Variants in DPH6 observed in about 807,000 individuals in gnomAD.
DPH6 encodes diphthine--ammonia ligase.
In DPH6, 33 loss-of-function variants were observed where a neutral mutation model predicts 38.2. The observed-to-expected ratio is 0.86, with a 90% confidence interval of 0.65 to 1.15. The LOEUF (loss-of-function observed/expected upper bound fraction) is 1.15. Among genes scored for constraint, DPH6 ranks in the 50% most tolerant of loss-of-function variants. The probability of loss-of-function intolerance (pLI) is 0.00; values close to 1 mark genes in which losing one functional copy is unlikely to be tolerated. For missense variants in DPH6, 325 were observed against 320.0 expected, an observed-to-expected ratio of 1.02 and a Z score of -0.12; for synonymous variants, 108 against 103.0, an observed-to-expected ratio of 1.05 and a Z score of -0.30.
intron 6 of DPH6, among the ~76,000 whole-genome samples, chr15:35,393,761 C>T (rs915277289): frequency 6.6e-6 from 1 of 152,062 alleles, no homozygotes; most frequent in Non-Finnish European, 1.5e-5. Context: ...TCTCGAATGT[C>T]AAGGTGGCAT....
chr15:35,368,046 G>A (rs891068112), downstream of DPH6, among the ~76,000 whole-genome samples: 4 of 151,918 alleles, frequency 2.6e-5, no homozygotes, highest in Non-Finnish European at 5.9e-5. Flanking sequence ...CAAGACATCT[G>A]TATGTAACCT....
At chr15:35,164,765 G>A in the DPH6 span, among the ~76,000 whole-genome samples, 11 of 151,800 alleles carry the variant, frequency 7.2e-5, no homozygotes, top group African/African-American at 2.7e-4. Context: ...TTTGAAAGAT[G>A]TCCTCATCTT....
At chr15:35,314,240 T>C (rs564114382) in intron 3 of DPH6, among the ~76,000 whole-genome samples, 1 of 152,106 alleles carries the variant, frequency 6.6e-6, no homozygotes, top group Non-Finnish European at 1.5e-5. Context: ...GCAAAAGTAA[T>C]TGTGGTTTTA....
intron 5 of DPH6, among the ~76,000 whole-genome samples, chr15:35,433,866 A>T (rs1266045282): frequency 1.3e-5 from 2 of 152,232 alleles, no homozygotes; most frequent in Non-Finnish European, 2.9e-5. Context: ...AATGATGTGC[A>T]GCCACAGTTG....
At chr15:35,495,362 G>A (rs1319972223) in intron 3 of DPH6, among the ~76,000 whole-genome samples, 1 of 152,088 alleles carries the variant, frequency 6.6e-6, no homozygotes, top group African/African-American at 2.4e-5. Context: ...AAGAAGAGAG[G>A]CCTCAGAATG....
chr15:35,281,410 C>T (rs2051898306), intron 3 of DPH6, among the ~76,000 whole-genome samples: 1 of 152,166 alleles, frequency 6.6e-6, no homozygotes, highest in African/African-American at 2.4e-5. Flanking sequence ...TATTTAAATA[C>T]ATATTGACAT....
chr15:35,226,256 T>C (rs535252309), intron 3 of DPH6, among the ~76,000 whole-genome samples: 19 of 152,222 alleles, frequency 1.2e-4, no homozygotes, highest in Non-Finnish European at 2.6e-4. Context: ...AGTATGGTGA[T>C]AGCTTTATTT....
chr15:35,389,272 A>G (rs1335937228), intron 6 of DPH6, among the ~76,000 whole-genome samples: 2 of 152,112 alleles, frequency 1.3e-5, no homozygotes, highest in Non-Finnish European at 2.9e-5. Context: ...TATGTGGTCA[A>G]TTTTGGAATA....
intron 5 of DPH6, among the ~76,000 whole-genome samples, chr15:35,446,926 T>G (rs1177239480): frequency 2.6e-5 from 4 of 151,706 alleles, no homozygotes; most frequent in African/African-American, 9.7e-5. Flanking sequence ...TGGAGTGCAG[T>G]GGCGTGATCT....
chr15:35,335,505 C>A lies in DPH6; in HGVS notation n.208-4428G>T, dbSNP rs569709570. The stretch of plus-strand genomic sequence containing the variant: ...CCTGAATGATACGCCTAGGTTTCTT[C>A]AAGGGTTTTTATAGTTTTGGGTTTT... On this transcript the variant is annotated intron_variant and non_coding_transcript_variant, in intron 3 of 3. Transcript: ENST00000558973. 1.6e-3 allele frequency among the ~76,000 whole-genome samples: 247 copies of A among 152,094 alleles called. 1 individual carries two copies. The highest frequency in any genetic ancestry group is 3.6e-3 in the Admixed American group (55 of 15,266).
At position 35,454,727 on chromosome 15, in the gene DPH6, A is replaced by T. The variant is rs199710030; in HGVS notation, c.386+20T>A. 7.6e-5 allele frequency: 121 copies of T among 1,585,756 alleles called. No individual in the cohort carries two copies. The highest frequency in any genetic ancestry group is 9.7e-5 in the Non-Finnish European group (113 of 1,162,714). On this transcript the variant is annotated intron_variant, in intron 4 of 8. Coordinates refer to ENST00000256538, the MANE Select transcript of DPH6 (RefSeq NM_080650.4). ...TAAAACACATACACTTTTAAAACTA[A>T]CAAATTAATGTTTTCTTACACATTT...
intron 6 of DPH6, chr15:35,401,451 T>C (rs1431727096): frequency 3.1e-5 from 24 of 773,508 alleles, no homozygotes; most frequent in Non-Finnish European, 4.8e-5. Flanking sequence ...GCAGGGGCTA[T>C]GGAAGTGGTG....
intron 6 of DPH6, among the ~76,000 whole-genome samples, chr15:35,403,332 G>T (rs982184070): frequency 3.3e-5 from 5 of 151,846 alleles, no homozygotes; most frequent in African/African-American, 1.2e-4. Flanking sequence ...AATTTTATGG[G>T]TACATAGTAG....
At chr15:35,289,035 G>A (rs550754732) in intron 3 of DPH6, among the ~76,000 whole-genome samples, 4 of 152,134 alleles carry the variant, frequency 2.6e-5, no homozygotes, top group South Asian at 2.1e-4. Context: ...TATTTTTACC[G>A]ACTGTTGGAT....
intron 3 of DPH6, among the ~76,000 whole-genome samples, chr15:35,277,359 T>A (rs1037781945): frequency 6.6e-6 from 1 of 152,182 alleles, no homozygotes; most frequent in Non-Finnish European, 1.5e-5. Flanking sequence ...TACAATCATA[T>A]CATCAGCAAA....
At chr15:35,202,180 A>G in the DPH6 span, among the ~76,000 whole-genome samples, 2 of 151,902 alleles carry the variant, frequency 1.3e-5, no homozygotes, top group African/African-American at 4.8e-5. Context: ...CATTCCAGAT[A>G]TTGATGTAGA....
Position 35,319,102 on chromosome 15 carries a change from G to A in DPH6, n.200+54419C>T, listed in dbSNP as rs183359653. On this transcript the variant is annotated intron_variant and non_coding_transcript_variant, in intron 3 of 3. Transcript: ENST00000560386. ...AGTGAGAAATACTCTGAATGTGCAG[G>A]ATTGTTCTAAGTGGAGAGAGACCAT... Among the ~76,000 whole-genome samples, 19 of 152,276 alleles carry A rather than the reference G, an allele frequency of 1.2e-4. No individual in the cohort carries two copies. The East Asian group carries it at 3.7e-3, about 29-fold the overall frequency.
downstream of DPH6, among the ~76,000 whole-genome samples, chr15:35,370,382 CTG>C (rs1460387241): frequency 4.0e-5 from 6 of 151,560 alleles, no homozygotes; most frequent in African/African-American, 1.2e-4. Flanking sequence ...GTAAAAGACA[CTG>C]TTAAGAGAAT....
chr15:35,535,984 AT>A (rs1595452004), intron 3 of DPH6, among the ~76,000 whole-genome samples: 1 of 152,124 alleles, frequency 6.6e-6, no homozygotes, highest in African/African-American at 2.4e-5. Flanking sequence ...AACAAGACTT[AT>A]GTGTGAAAGT....
Sources: allele counts gnomAD v4.1 joint callset (sites outside exome capture counted in the v4.1 genomes callset), GRCh38; gene constraint gnomAD v4.1.1; transcripts MANE v1.5; gene names NCBI Gene and HGNC (gene_info 2026-07-23, HGNC 2026-07-21).